Variants in ANXA11 observed in about 807,000 individuals in gnomAD.
ANXA11 encodes 56 kDa autoantigen.
Under a neutral mutation model 64.7 loss-of-function variants are expected in ANXA11, and 57 were observed. That is an observed-to-expected ratio of 0.88 (90% CI 0.71 to 1.10). ANXA11 has a LOEUF of 1.10. ANXA11 is among the 50% of genes least tolerant of loss of function. The pLI is 0.00. For synonymous variants in ANXA11, 260 were observed against 265.2 expected (o/e 0.98, Z 0.19); for missense variants, 675 against 670.7 (o/e 1.01, Z -0.07).
intron 15 of ANXA11, chr10:80,156,859 G>C (rs762151751): frequency 1.1e-4 from 36 of 318,898 alleles, no homozygotes; most frequent in Non-Finnish European, 1.5e-4. Context: ...GAAACACAGT[G>C]AGTTTCCTGT....
chr10:80,173,363 T>C (rs1471214327), intron 2 of ANXA11, among the ~76,000 whole-genome samples: 4 of 152,200 alleles, frequency 2.6e-5, no homozygotes, highest in African/African-American at 4.8e-5. Context: ...CTCTGGTTCA[T>C]CAGGCAAGGG....
chr10:80,155,803 TG>T lies in ANXA11; in HGVS notation c.*49del. On this transcript the variant is annotated 3_prime_UTR_variant, in exon 16 of 16. Transcript: ENST00000422982. ...AACAGACATTCTTTTGGCCTTTTCCTGGCACTGGTGTTGCCGGCAGGTGGGC... is the reference window on the plus strand; with the variant it reads ...AACAGACATTCTTTTGGCCTTTTCCTGCACTGGTGTTGCCGGCAGGTGGGC... 1 of 1,550,174 alleles carries T rather than the reference TG, an allele frequency of 6.5e-7. No homozygotes were observed. Among genetic ancestry groups the T allele is most frequent in the Non-Finnish European group, 8.9e-7 (1 of 1,122,540 alleles).
rs758028416 is a variant in ANXA11 at position 80,172,795 on chromosome 10, A to G, written c.55+12T>C. 6.2e-7 allele frequency: 1 copy of G among 1,613,490 alleles called. No homozygotes were observed. Among genetic ancestry groups the G allele is most frequent in the African/African-American group, 1.3e-5 (1 of 74,894 alleles). ...CAGCATTCACTCTCCTCCCCACCCC[A>G]GACCCTCTTACCTGGTGCAGCTGGT... On this transcript the variant is annotated intron_variant, in intron 3 of 15. Coordinates refer to ENST00000422982, the MANE Select transcript of ANXA11 (RefSeq NM_145868.2).
At chr10:80,166,701 C>A in intron 7 of ANXA11, 189 bp downstream of exon 7, 2 of 599,894 alleles carry the variant, frequency 3.3e-6, no homozygotes, top group Non-Finnish European at 3.0e-6. Context: ...TCTCAGCAAA[C>A]CTCAGCACCC....
chr10:80,169,203 T>TG lies in ANXA11; in HGVS notation c.326dup (p.Gly110ArgfsTer87), dbSNP rs1387368020. On this transcript the variant is annotated frameshift_variant, in exon 5 of 16. Coordinates refer to ENST00000422982, the MANE Select transcript of ANXA11 (RefSeq NM_145868.2). LOFTEE classifies it high-confidence loss of function. Reference sequence around the variant, plus strand: ...GCATCCTGGAGGGTGGGTTTCCTCCTGGGGGTGGATACATCCCATAGGGAG... The same window carrying TG: ...GCATCCTGGAGGGTGGGTTTCCTCCTGGGGGGTGGATACATCCCATAGGGAG... 1 of 1,608,436 alleles carries TG rather than the reference T, an allele frequency of 6.2e-7. No individual in the cohort carries two copies.
At chr10:80,168,591 C>T (rs1416746301) in intron 5 of ANXA11, among the ~76,000 whole-genome samples, 5 of 152,064 alleles carry the variant, frequency 3.3e-5, no homozygotes, top group East Asian at 3.9e-4. Context: ...GTGAGTGCAG[C>T]GGCATGATCC....
intron 15 of ANXA11, chr10:80,156,515 ACTCT>A (rs113663129): frequency 1.6e-5 from 7 of 447,022 alleles, no homozygotes; most frequent in African/African-American, 2.1e-5. Context: ...TGAATTATTA[ACTCT>A]CTTTTTTTTT....
chr10:80,158,975 G>C (rs1423560904), intron 13 of ANXA11, 125 bp downstream of exon 13: 5 of 725,478 alleles, frequency 6.9e-6, no homozygotes, highest in South Asian at 4.8e-5. Flanking sequence ...ACTCTGGGCT[G>C]AGCGATCTTG....
At chr10:80,184,206 CAT>C (rs1491099335) in intron 1 of ANXA11, among the ~76,000 whole-genome samples, 2 of 152,184 alleles carry the variant, frequency 1.3e-5, no homozygotes, top group Non-Finnish European at 2.9e-5. Flanking sequence ...TGTAACTGTT[CAT>C]ATCTCTAAAT....
At chr10:80,186,778 A>G (rs1485316555) in intron 1 of ANXA11, among the ~76,000 whole-genome samples, 1 of 152,200 alleles carries the variant, frequency 6.6e-6, no homozygotes, top group African/African-American at 2.4e-5. Context: ...CACTTTCCAT[A>G]CAACGCAGAC....
intron 1 of ANXA11, among the ~76,000 whole-genome samples, chr10:80,200,039 C>T (rs1171457324): frequency 2.6e-5 from 4 of 152,182 alleles, no homozygotes; most frequent in Admixed American, 6.5e-5. Flanking sequence ...CAGAGCAGTC[C>T]GCTTCTTGGA....
intron 4 of ANXA11, among the ~76,000 whole-genome samples, 193 bp from the exon 5 acceptor site, chr10:80,169,551 A>G (rs1355904179): frequency 6.6e-6 from 1 of 152,106 alleles, no homozygotes; most frequent in East Asian, 1.9e-4. Flanking sequence ...GAACAGTGCG[A>G]CTCGATCCAA....
chr10:80,158,680 T>C (rs1589414225), intron 13 of ANXA11, among the ~76,000 whole-genome samples: 1 of 152,216 alleles, frequency 6.6e-6, no homozygotes, highest in African/African-American at 2.4e-5. Context: ...CCAAGCCAGC[T>C]TTCCTCAGCA....
chr10:80,170,934 C>T lies in ANXA11; in HGVS notation c.56-19G>A, dbSNP rs1321018161. On this transcript the variant is annotated intron_variant, in intron 3 of 15. Transcript: ENST00000422982. ...CCACCACCTGAAAGCAACACCAAGC[C>T]CTTTAGCCCCCTGCCAGTCCCCCAC... is the stretch of plus-strand genomic sequence containing the variant. 4 of 1,577,940 alleles carry T rather than the reference C, an allele frequency of 2.5e-6. No homozygotes were observed. In the East Asian group the frequency reaches 9.3e-5, roughly 37 times the overall value.
intron 1 of ANXA11, among the ~76,000 whole-genome samples, chr10:80,177,345 G>A (rs1204573707): frequency 6.6e-6 from 1 of 151,988 alleles, no homozygotes; most frequent in African/African-American, 2.4e-5. Context: ...AGTGCAGGGC[G>A]GGACCTTCAT....
At chr10:80,162,226 A>G (rs773212537) in intron 11 of ANXA11, among the ~76,000 whole-genome samples, 198 bp from the exon 12 acceptor site, 1 of 147,734 alleles carries the variant, frequency 6.8e-6, no homozygotes, top group Non-Finnish European at 1.5e-5. Context: ...AGCAGCAATC[A>G]GGGGCTGAGA....
chr10:80,201,074 A>T (rs569177009), intron 1 of ANXA11, among the ~76,000 whole-genome samples: 1 of 152,258 alleles, frequency 6.6e-6, no homozygotes, highest in East Asian at 1.9e-4. Context: ...TCGCCTTCAA[A>T]GCCAACATTT....
At chr10:80,189,107 C>T (rs916565300) in intron 1 of ANXA11, among the ~76,000 whole-genome samples, 3 of 152,176 alleles carry the variant, frequency 2.0e-5, no homozygotes, top group Non-Finnish European at 4.4e-5. Flanking sequence ...TAGGGTTACC[C>T]GCCATGAAAT....
At chr10:80,187,310 C>A (rs1287988956) in intron 1 of ANXA11, among the ~76,000 whole-genome samples, 1 of 152,188 alleles carries the variant, frequency 6.6e-6, no homozygotes, top group African/African-American at 2.4e-5. Flanking sequence ...CCAGAGGGCC[C>A]AACCCTTTCC....
Sources: allele counts gnomAD v4.1 joint callset (sites outside exome capture counted in the v4.1 genomes callset), GRCh38; gene constraint gnomAD v4.1.1; transcripts MANE v1.5; gene names NCBI Gene and HGNC (gene_info 2026-07-23, HGNC 2026-07-21).